The following TBC1D5 variants were observed in gnomAD, a reference collection of about 807,000 sequenced individuals.
TBC1D5 encodes TBC1 domain family member 5.
A neutral mutation model predicts 100.3 loss-of-function variants in TBC1D5; 75 were observed. The ratio of observed to expected loss-of-function variants is 0.75; its 90% confidence interval spans 0.62 to 0.91. The LOEUF (loss-of-function observed/expected upper bound fraction) is 0.91, where lower values mean the gene tolerates loss of function less well. Among genes scored for constraint, TBC1D5 ranks in the 40% least tolerant of loss-of-function variants. The probability of loss-of-function intolerance (pLI) is 0.00; values close to 1 mark genes in which losing one functional copy is unlikely to be tolerated. For synonymous variants in TBC1D5, 323 were observed against 325.6 expected (o/e 0.99, Z 0.09); for missense variants, 910 against 942.4 (o/e 0.97, Z 0.45).
intron 16 of TBC1D5, among the ~76,000 whole-genome samples, chr3:17,241,868 A>G (rs1267474639): frequency 6.6e-6 from 1 of 152,256 alleles, no homozygotes; most frequent in East Asian, 1.9e-4. Context: ...AATGTTTAAA[A>G]AAAACCCAAA....
chr3:17,375,873 C>T (rs1302262857), intron 10 of TBC1D5, among the ~76,000 whole-genome samples: 4 of 151,958 alleles, frequency 2.6e-5, no homozygotes, highest in Non-Finnish European at 2.9e-5. Flanking sequence ...CATATAGATG[C>T]GCTGGCCTGA....
intron 1 of TBC1D5, among the ~76,000 whole-genome samples, chr3:17,721,448 T>C (rs1389876429): frequency 1.5e-5 from 2 of 130,958 alleles, no homozygotes; most frequent in African/African-American, 5.6e-5. Flanking sequence ...GAAAAGTAAG[T>C]GTGTGAGAGC....
At chr3:17,248,371 T>C (rs1287841166) in intron 16 of TBC1D5, among the ~76,000 whole-genome samples, 1 of 152,226 alleles carries the variant, frequency 6.6e-6, no homozygotes, top group Non-Finnish European at 1.5e-5. Flanking sequence ...AAACTCTTGT[T>C]AATGTTGATA....
At chr3:17,480,017 C>T (rs980316866) in intron 3 of TBC1D5, among the ~76,000 whole-genome samples, 4 of 152,238 alleles carry the variant, frequency 2.6e-5, no homozygotes, top group Non-Finnish European at 5.9e-5. Flanking sequence ...GTGCCTGATC[C>T]TGTGGCCTGG....
intron 3 of TBC1D5, among the ~76,000 whole-genome samples, chr3:17,488,219 T>A (rs2095594924): frequency 6.6e-6 from 1 of 152,188 alleles, no homozygotes; most frequent in African/African-American, 2.4e-5. Flanking sequence ...GTCATATAGT[T>A]GGAATAATGT....
exon 1 of TBC1D5, chr3:17,740,533 T>C (rs966306789): frequency 1.7e-4 from 26 of 151,946 alleles, no homozygotes; most frequent in African/African-American, 5.8e-4. Flanking sequence ...AAGAAAAAAA[T>C]TAAAAGTACA....
chr3:17,543,929 G>A (rs949105308), intron 2 of TBC1D5, among the ~76,000 whole-genome samples: 36 of 151,422 alleles, frequency 2.4e-4, no homozygotes, highest in Admixed American at 1.2e-3. Flanking sequence ...GTGCAGTGGC[G>A]CGATCTCGGC....
At chr3:17,548,492 C>T (rs1184838418) in intron 2 of TBC1D5, among the ~76,000 whole-genome samples, 1 of 152,024 alleles carries the variant, frequency 6.6e-6, no homozygotes, top group Non-Finnish European at 1.5e-5. Context: ...AAAAAAAAAC[C>T]TTTGTGCATC....
At chr3:17,404,999 T>G (rs2093734317) in intron 5 of TBC1D5, 38 bp from the exon 6 acceptor site, 5 of 1,376,014 alleles carry the variant, frequency 3.6e-6, no homozygotes, top group Middle Eastern at 2.4e-4. Context: ...GTAAAAATCT[T>G]AAGATATAAA....
chr3:17,312,883 CAGA>C (rs1227355582), intron 13 of TBC1D5, among the ~76,000 whole-genome samples: 2 of 152,130 alleles, frequency 1.3e-5, no homozygotes, highest in African/African-American at 4.8e-5. Context: ...ATGTTGGGTA[CAGA>C]AGATGACCAT....
intron 13 of TBC1D5, among the ~76,000 whole-genome samples, chr3:17,340,366 C>G (rs2088682864): frequency 6.6e-6 from 1 of 152,172 alleles, no homozygotes; most frequent in Non-Finnish European, 1.5e-5. Flanking sequence ...TTCAGACAAT[C>G]AGGAGTTTGA....
At chr3:17,544,839 T>C (rs1052635301) in intron 2 of TBC1D5, among the ~76,000 whole-genome samples, 4 of 152,128 alleles carry the variant, frequency 2.6e-5, no homozygotes, top group African/African-American at 4.8e-5. Context: ...GTACAACAAA[T>C]AGCTGCCAAA....
chr3:17,532,473 A>G (rs898405148), intron 2 of TBC1D5, among the ~76,000 whole-genome samples: 13 of 152,234 alleles, frequency 8.5e-5, no homozygotes, highest in Non-Finnish European at 1.8e-4. Flanking sequence ...TGACCCAGCC[A>G]TCCCATTACT....
intron 3 of TBC1D5, among the ~76,000 whole-genome samples, chr3:17,499,253 T>C (rs1002249081): frequency 3.9e-5 from 6 of 152,150 alleles, no homozygotes; most frequent in African/African-American, 1.2e-4. Context: ...AGGATTATAC[T>C]TGTAAGGGCC....
chr3:17,690,295 C>A lies in TBC1D5; in HGVS notation c.-101+49048G>T, dbSNP rs1215498335. Among the ~76,000 whole-genome samples, 17 of 77,378 alleles carry A rather than the reference C, an allele frequency of 2.2e-4. 5 individuals are homozygous for A. The highest frequency in any genetic ancestry group is 4.0e-4 in the Non-Finnish European group (16 of 40,386). 50.8% of individuals were successfully genotyped at this position (77,378 alleles called of 152,430 possible). Reference sequence around the variant, plus strand: ...GCAGTGGCGGGATCTCGGCTCACTGCAAGCTCTGCCTCCCGGGTTCACGCC... The same window carrying A: ...GCAGTGGCGGGATCTCGGCTCACTGAAAGCTCTGCCTCCCGGGTTCACGCC... On this transcript the variant is annotated intron_variant, in intron 1 of 21. Coordinates refer to ENST00000253692, the Ensembl canonical transcript of TBC1D5.
intron 21 of TBC1D5, among the ~76,000 whole-genome samples, chr3:17,164,070 G>C (rs528874178): frequency 6.6e-6 from 1 of 152,198 alleles, no homozygotes; most frequent in African/African-American, 2.4e-5. Context: ...GAGGGACAGC[G>C]TGTGGCTCTT....
At chr3:17,496,967 A>G (rs2095715148) in intron 3 of TBC1D5, among the ~76,000 whole-genome samples, 1 of 152,086 alleles carries the variant, frequency 6.6e-6, no homozygotes, top group Non-Finnish European at 1.5e-5. Context: ...CACCCATGGT[A>G]GCCCAGCCAC....
At chr3:17,208,704 TC>T (rs2072560486) in intron 18 of TBC1D5, among the ~76,000 whole-genome samples, 1 of 152,196 alleles carries the variant, frequency 6.6e-6, no homozygotes, top group Non-Finnish European at 1.5e-5. Flanking sequence ...ACTCAACTTC[TC>T]AGTTTTAAGT....
intron 2 of TBC1D5, among the ~76,000 whole-genome samples, chr3:17,586,900 T>C (rs140881671): frequency 3.7e-4 from 57 of 152,168 alleles, no homozygotes; most frequent in African/African-American, 1.3e-3. Context: ...AGTGTTGAAA[T>C]GAGGAACATA....
Sources: gnomAD v4.1 joint callset for allele counts (sites outside exome capture counted in the v4.1 genomes callset) on GRCh38, gnomAD v4.1.1 for gene constraint, MANE v1.5 for transcripts, NCBI Gene and HGNC (gene_info 2026-07-23, HGNC 2026-07-21) for gene names.